GALNT18: variants seen among roughly 807,000 people sequenced by gnomAD.
GALNT18 encodes polypeptide N-acetylgalactosaminyltransferase 18.
GALNT18 carries 44 observed loss-of-function variants against 69.5 expected under a neutral mutation model. The observed-to-expected ratio is 0.63, with a 90% CI of 0.50 to 0.81. The LOEUF (loss-of-function observed/expected upper bound fraction) is 0.81, where lower values mean the gene tolerates loss of function less well. GALNT18 is among the 40% of genes least tolerant of loss of function. The pLI, the probability that GALNT18 is intolerant of heterozygous loss-of-function variation, is 0.00. For synonymous variants in GALNT18, 364 were observed against 318.2 expected, an observed-to-expected ratio of 1.14 and a Z score of -1.53; for missense variants, 715 against 810.0, an observed-to-expected ratio of 0.88 and a Z score of 1.42.
intron 3 of GALNT18, among the ~76,000 whole-genome samples, chr11:11,384,014 C>T (rs575505855): frequency 5.9e-5 from 9 of 151,962 alleles, no homozygotes; most frequent in Middle Eastern, 3.2e-3. Context: ...TATAGCAGTG[C>T]GAGAATAGAC....
At chr11:11,484,984 G>T (rs78150667) in intron 1 of GALNT18, among the ~76,000 whole-genome samples, 5,618 of 152,332 alleles carry the variant, frequency 0.037, 149 homozygotes, top group Middle Eastern at 0.075. Context: ...TAGAGTCAGG[G>T]CTCTATGAGA....
At chr11:11,305,328 A>G (rs572741637) in intron 9 of GALNT18, among the ~76,000 whole-genome samples, 11 of 152,342 alleles carry the variant, frequency 7.2e-5, no homozygotes, top group African/African-American at 2.6e-4. Context: ...AGGGCCCAGT[A>G]AGCCATTGAG....
chr11:11,353,223 C>A (rs1850456116), intron 6 of GALNT18: 1 of 1,418,432 alleles, frequency 7.1e-7, no homozygotes, highest in Non-Finnish European at 9.8e-7. Context: ...GACCTGTTTT[C>A]TTCACACTGT....
At chr11:11,468,513 C>T (rs1856200900) in intron 1 of GALNT18, among the ~76,000 whole-genome samples, 1 of 150,824 alleles carries the variant, frequency 6.6e-6, no homozygotes. Flanking sequence ...AAGCAGTGCT[C>T]CCCAGCATAC....
In GALNT18 at chr11:11,619,680, G is replaced by T. The variant is rs1319773334; in HGVS notation, c.235+1679C>A. ...AAATGTCAAAGTAAGGCATGGCTTT[G>T]TGTCTCCTGGGGAACATTCTGAATC... is the stretch of plus-strand genomic sequence containing the variant. On this transcript the variant is annotated intron_variant, in intron 1 of 10. Coordinates refer to ENST00000227756, the MANE Select transcript of GALNT18 (RefSeq NM_198516.3). The surrounding 1 kb of genome is among the most constrained non-coding windows in gnomAD (Gnocchi z 4.9). 6.6e-6 allele frequency among the ~76,000 whole-genome samples: 1 copy of T among 152,202 alleles called. No homozygotes were observed. The highest frequency in any genetic ancestry group is 2.4e-5 in the African/African-American group (1 of 41,438).
chr11:11,326,305 A>G (rs1305583498), intron 9 of GALNT18, among the ~76,000 whole-genome samples: 1 of 152,072 alleles, frequency 6.6e-6, no homozygotes, highest in Admixed American at 6.6e-5. Context: ...TGGCCTCCCA[A>G]ACTGCTGAGA....
chr11:11,398,711 G>T (rs1203403371), intron 3 of GALNT18, among the ~76,000 whole-genome samples: 1 of 152,210 alleles, frequency 6.6e-6, no homozygotes, highest in Non-Finnish European at 1.5e-5. Context: ...ATATGGAGAA[G>T]AAAAGGTTGG....
Position 11,413,756 on chromosome 11 carries a change from C to T in GALNT18, c.595+18865G>A, listed in dbSNP as rs756185864. On this transcript the variant is annotated intron_variant, in intron 3 of 10. Coordinates refer to ENST00000227756, the MANE Select transcript of GALNT18 (RefSeq NM_198516.3). The surrounding 1 kb of genome is among the most constrained non-coding windows in gnomAD (Gnocchi z 4.7). ...GTTATAACTAGGGTATTTCACCATT[C>T]TTCAAGAGGATGACTGTGGAGCTAG... is the stretch of plus-strand genomic sequence containing the variant. Among the ~76,000 whole-genome samples, 1 of 152,180 alleles carries T rather than the reference C, an allele frequency of 6.6e-6. No homozygotes were observed. The highest frequency in any genetic ancestry group is 2.4e-5 in the African/African-American group (1 of 41,450).
chr11:11,534,089 C>T (rs1162307944), intron 1 of GALNT18, among the ~76,000 whole-genome samples: 1 of 152,254 alleles, frequency 6.6e-6, no homozygotes, highest in Middle Eastern at 3.2e-3. Flanking sequence ...TTATAGAGGT[C>T]GAGTGGCTTG....
intron 10 of GALNT18, among the ~76,000 whole-genome samples, chr11:11,286,701 C>T (rs764767994): frequency 1.3e-5 from 2 of 152,106 alleles, no homozygotes; most frequent in Non-Finnish European, 2.9e-5. Context: ...TCATTAGGTG[C>T]TGGAGATACT....
At chr11:11,464,912 C>A (rs1564962868) in intron 1 of GALNT18, among the ~76,000 whole-genome samples, 1 of 152,322 alleles carries the variant, frequency 6.6e-6, no homozygotes, top group East Asian at 1.9e-4. Context: ...CTTTCACATT[C>A]TATGGGCAAC....
chr11:11,295,203 G>T (rs951951728), intron 9 of GALNT18, among the ~76,000 whole-genome samples: 1 of 152,148 alleles, frequency 6.6e-6, no homozygotes, highest in Admixed American at 6.5e-5. Context: ...TTGGGAGGGG[G>T]TGAAGGGCAG....
chr11:11,485,974 G>C (rs1003945338), intron 1 of GALNT18, among the ~76,000 whole-genome samples: 2 of 152,166 alleles, frequency 1.3e-5, no homozygotes, highest in African/African-American at 4.8e-5. Context: ...GAATTCTCTT[G>C]GTGGAATCTG....
At chr11:11,325,909 G>C (rs1009463729) in intron 9 of GALNT18, among the ~76,000 whole-genome samples, 1 of 152,078 alleles carries the variant, frequency 6.6e-6, no homozygotes, top group Admixed American at 6.5e-5. Context: ...CCCTGGGAAG[G>C]CTCAGCATTC....
At chr11:11,424,932 G>A (rs1172510210) in intron 3 of GALNT18, among the ~76,000 whole-genome samples, 1 of 152,150 alleles carries the variant, frequency 6.6e-6, no homozygotes, top group Admixed American at 6.5e-5. Context: ...AGACAAGCAG[G>A]AAGAAGTGCA....
At chr11:11,580,272 T>C (rs139238066) in intron 1 of GALNT18, among the ~76,000 whole-genome samples, 13 of 152,266 alleles carry the variant, frequency 8.5e-5, no homozygotes, top group African/African-American at 3.1e-4. Context: ...GCAAACCTCA[T>C]GTGTTCTCAA....
intron 3 of GALNT18, among the ~76,000 whole-genome samples, chr11:11,380,345 T>C (rs1280395676): frequency 6.6e-6 from 1 of 152,250 alleles, no homozygotes; most frequent in African/African-American, 2.4e-5. Context: ...TCAAATATCT[T>C]CAGTTCTTCC....
chr11:11,309,545 C>G lies in GALNT18; in HGVS notation c.1513-16352G>C, dbSNP rs144391288. Reference sequence around the variant, plus strand: ...CCTTACTTTTTCTGCCTTTTACACCCTGTAAACCCCACCTCTATAGCCTTG... The same window carrying G: ...CCTTACTTTTTCTGCCTTTTACACCGTGTAAACCCCACCTCTATAGCCTTG... On this transcript the variant is annotated intron_variant, in intron 9 of 10. Coordinates refer to ENST00000227756, the MANE Select transcript of GALNT18 (RefSeq NM_198516.3). This position sits in a 1 kb window ranked among gnomAD's most constrained non-coding sequence, Gnocchi z 4.6. Among the ~76,000 whole-genome samples the G allele has an allele frequency of 6.6e-6, 1 of 152,292 alleles. No homozygotes were observed. Among genetic ancestry groups the G allele is most frequent in the Non-Finnish European group, 1.5e-5 (1 of 68,028 alleles).
intron 1 of GALNT18, among the ~76,000 whole-genome samples, chr11:11,506,913 A>T (rs1025551269): frequency 6.6e-6 from 1 of 152,146 alleles, no homozygotes; most frequent in Non-Finnish European, 1.5e-5. Flanking sequence ...CCACATTTTC[A>T]CTTCTTCATC....
Sources: gnomAD v4.1 joint callset for allele counts (sites outside exome capture counted in the v4.1 genomes callset) on GRCh38, gnomAD v4.1.1 for gene constraint, Gnocchi (gnomAD v3.1) non-coding constraint, MANE v1.5 for transcripts, NCBI Gene and HGNC (gene_info 2026-07-23, HGNC 2026-07-21) for gene names.